The following TRIP12 variants were observed in gnomAD, a reference collection of about 807,000 sequenced individuals.
The protein encoded by TRIP12 is E3 ubiquitin-protein ligase TRIP12.
Under a neutral mutation model 244.2 loss-of-function variants are expected in TRIP12, and 25 were observed. The ratio of observed to expected loss-of-function variants is 0.10; its 90% CI spans 0.07 to 0.14. The LOEUF (loss-of-function observed/expected upper bound fraction) is 0.14. Ranked by LOEUF, TRIP12 falls within the 10% of genes least tolerant of loss-of-function variation. The pLI, the probability that TRIP12 is intolerant of heterozygous loss-of-function variation, is 1.00. For missense variants in TRIP12, 1,677 were observed against 2,486.4 expected (o/e 0.67, Z 6.92); for synonymous variants, 905 against 873.1 (o/e 1.04, Z -0.64).
chr2:229,891,450 C>T (rs530388566), intron 1 of TRIP12, among the ~76,000 whole-genome samples: 1 of 151,040 alleles, frequency 6.6e-6, no homozygotes, highest in Admixed American at 6.6e-5. Flanking sequence ...TTAAAATAGC[C>T]GGGTGTGGTG....
chr2:229,914,912 T>C (rs2075085278), intron 1 of TRIP12, among the ~76,000 whole-genome samples: 1 of 152,146 alleles, frequency 6.6e-6, no homozygotes, highest in Non-Finnish European at 1.5e-5. Context: ...TAAACTACAA[T>C]GATGTATACT....
intron 3 of TRIP12, 33 bp downstream of exon 3, chr2:229,860,373 C>A: frequency 6.3e-7 from 1 of 1,578,018 alleles, no homozygotes; most frequent in Non-Finnish European, 8.6e-7. Context: ...AATAATTCTG[C>A]CTTGAAAATG....
rs2045751981 is a variant in TRIP12, at chr2:229,805,888, G to A, written c.2497-5C>T. On this transcript the variant is annotated splice_region_variant and splice_polypyrimidine_tract_variant and intron_variant, in intron 17 of 41. Coordinates refer to ENST00000675903, the MANE Select transcript of TRIP12 (RefSeq NM_001348323.3). ...CTCACCGACCTGATGGGCTGCCTGA[G>A]AGCAAAGAGAGAGAAACTTTGAATA... 9 of 1,529,714 alleles carry A rather than the reference G, an allele frequency of 5.9e-6. No homozygotes were observed. The highest frequency in any genetic ancestry group is 8.0e-6 in the Non-Finnish European group (9 of 1,122,754). 94.8% of individuals were successfully genotyped at this position (1,529,714 alleles called of 1,614,324 possible).
chr2:229,840,112 A>T (rs1175758092), intron 5 of TRIP12, among the ~76,000 whole-genome samples: 2 of 152,206 alleles, frequency 1.3e-5, no homozygotes, highest in Non-Finnish European at 2.9e-5. Context: ...CATTAATCAC[A>T]CTATTGGGAA....
At chr2:229,840,784 AAAAATG>A (rs1336202213) in intron 5 of TRIP12, 32 bp downstream of exon 5, 1 of 1,346,442 alleles carries the variant, frequency 7.4e-7, no homozygotes, top group South Asian at 1.3e-5. Flanking sequence ...GCAACAGAAT[AAAAATG>A]AACTCACTAT....
chr2:229,774,402 C>T, intron 37 of TRIP12, 141 bp from the exon 38 acceptor site: 1 of 832,104 alleles, frequency 1.2e-6, no homozygotes, highest in Non-Finnish European at 1.8e-6. Context: ...TATTTTTTTC[C>T]TGGTCATAAT....
chr2:229,916,035 G>T (rs2075317552), intron 1 of TRIP12, among the ~76,000 whole-genome samples: 1 of 152,056 alleles, frequency 6.6e-6, no homozygotes, highest in African/African-American at 2.4e-5. Flanking sequence ...AGGTATGTTC[G>T]AGTTAAAAGA....
chr2:229,858,632 A>T, intron 4 of TRIP12, 140 bp downstream of exon 4: 1 of 714,552 alleles, frequency 1.4e-6, no homozygotes, highest in Non-Finnish European at 2.2e-6. Flanking sequence ...GCTGTTATGT[A>T]CTTAATTACA....
chr2:229,768,592 G>A, intron 41 of TRIP12, 24 bp downstream of exon 41: 9 of 1,602,982 alleles, frequency 5.6e-6, no homozygotes, highest in Non-Finnish European at 7.7e-6. Flanking sequence ...TAGAATAAAT[G>A]CTAAACATCA....
chr2:229,779,049 C>A, intron 34 of TRIP12, 59 bp from the exon 35 acceptor site: 5 of 1,406,788 alleles, frequency 3.6e-6, no homozygotes, highest in Non-Finnish European at 5.0e-6. Context: ...TTTTTACTGC[C>A]AACCTCTTGG....
intron 2 of TRIP12, among the ~76,000 whole-genome samples, chr2:229,876,167 A>G (rs2063535293): frequency 6.6e-6 from 1 of 152,112 alleles, no homozygotes; most frequent in African/African-American, 2.4e-5. Flanking sequence ...CCAGCTACTC[A>G]GGAGGCTGAG....
chr2:229,818,307 A>T, intron 9 of TRIP12, 57 bp downstream of exon 9: 1 of 1,563,166 alleles, frequency 6.4e-7, no homozygotes, highest in Non-Finnish European at 8.7e-7. Flanking sequence ...TCAGTACAAA[A>T]TCGGCAGATT....
intron 2 of TRIP12, among the ~76,000 whole-genome samples, chr2:229,871,417 G>A (rs545952161): frequency 9.7e-4 from 148 of 152,318 alleles, no homozygotes; most frequent in Middle Eastern, 3.4e-3. Context: ...GGGGTGGATG[G>A]ATCCCTCATG....
intron 6 of TRIP12, among the ~76,000 whole-genome samples, chr2:229,832,692 T>C (rs769635270): frequency 2.0e-5 from 3 of 152,236 alleles, no homozygotes; most frequent in Non-Finnish European, 4.4e-5. Flanking sequence ...CAAGGTCAGA[T>C]AGCTAGTTAT....
chr2:229,824,693 A>G (rs2051029673), intron 8 of TRIP12, among the ~76,000 whole-genome samples: 1 of 152,256 alleles, frequency 6.6e-6, no homozygotes, highest in African/African-American at 2.4e-5. Flanking sequence ...TGTCAAAAGC[A>G]AAGTAAAGTG....
At chr2:229,911,743 G>A (rs2074320419) in intron 1 of TRIP12, among the ~76,000 whole-genome samples, 1 of 151,578 alleles carries the variant, frequency 6.6e-6, no homozygotes, top group African/African-American at 2.4e-5. Context: ...CAATTAAAGG[G>A]GTAACAACTC....
Position 229,860,547 on chromosome 2 carries a change from C to A in TRIP12, c.99-16G>T. 3 of 1,577,310 alleles carry A rather than the reference C, an allele frequency of 1.9e-6. No homozygotes were observed. In the South Asian group the frequency reaches 3.6e-5, roughly 19 times the overall value. On this transcript the variant is annotated splice_polypyrimidine_tract_variant and intron_variant, in intron 2 of 41. Transcript: ENST00000675903. ...TAAATGTGACCTGTCAGCAGAAAAT[C>A]AAAACAGAAATCTATCAGGAAACTG...
At chr2:229,768,255 C>A (rs2032660451) in intron 41 of TRIP12, among the ~76,000 whole-genome samples, 1 of 152,052 alleles carries the variant, frequency 6.6e-6, no homozygotes, top group South Asian at 2.1e-4. Context: ...AGAGTGAGAT[C>A]CTGTCTCAAA....
At chr2:229,922,259 C>T (rs2076727645), upstream of TRIP12, 1 of 510,122 alleles carries the variant, frequency 2.0e-6, no homozygotes. Flanking sequence ...ACTTGGTATC[C>T]CTCCGCCGGG....
Sources: gnomAD v4.1 joint callset for allele counts (sites outside exome capture counted in the v4.1 genomes callset) on GRCh38, gnomAD v4.1.1 for gene constraint, MANE v1.5 for transcripts, NCBI Gene and HGNC (gene_info 2026-07-23, HGNC 2026-07-21) for gene names.